The following GRID2 variants were observed in gnomAD, a reference collection of about 807,000 sequenced individuals.
The protein encoded by GRID2 is glutamate receptor ionotropic, delta-2.
In GRID2, 33 loss-of-function variants were observed where a neutral mutation model predicts 114.8. That is an observed-to-expected ratio of 0.29 (90% CI 0.22 to 0.38). The LOEUF (loss-of-function observed/expected upper bound fraction) is 0.38. GRID2 is among the 10% of genes least tolerant of loss of function. The pLI, the probability that GRID2 is intolerant of heterozygous loss-of-function variation, is 1.00. For synonymous variants in GRID2, 505 were observed against 449.9 expected (o/e 1.12, Z -1.55); for missense variants, 1,184 against 1,257.7 (o/e 0.94, Z 0.89).
intron 13 of GRID2, among the ~76,000 whole-genome samples, chr4:93,523,390 C>T (rs1223881776): frequency 6.6e-6 from 1 of 152,052 alleles, no homozygotes; most frequent in Non-Finnish European, 1.5e-5. Context: ...AGAGTATTAC[C>T]ATTATGACAA....
chr4:93,238,205 C>T (rs1406444590), intron 7 of GRID2, among the ~76,000 whole-genome samples, 166 bp from the exon 8 acceptor site: 3 of 151,820 alleles, frequency 2.0e-5, no homozygotes, highest in Admixed American at 6.6e-5. Flanking sequence ...TTCAACTGTA[C>T]TCCTGTTTAT....
chr4:93,501,251 GGTATGCTCTCTAA>G (rs1418278637), intron 12 of GRID2, among the ~76,000 whole-genome samples: 8 of 151,970 alleles, frequency 5.3e-5, no homozygotes, highest in African/African-American at 1.9e-4. Context: ...AACCCAAAAT[GGTATGCTCTCTAA>G]GTATCCTTTG....
At chr4:92,722,522 T>C (rs1251154776) in intron 2 of GRID2, among the ~76,000 whole-genome samples, 1 of 152,040 alleles carries the variant, frequency 6.6e-6, no homozygotes, top group East Asian at 1.9e-4. Flanking sequence ...GTACTGGAGG[T>C]AATTAAAGAA....
At chr4:93,109,671 A>C (rs58129862) in intron 3 of GRID2, among the ~76,000 whole-genome samples, 5,298 of 152,170 alleles carry the variant, frequency 0.035, 254 homozygotes, top group African/African-American at 0.1. Flanking sequence ...TTTCTCTAGT[A>C]TTTGCCCTTT....
chr4:92,650,938 A>G (rs1731897577), intron 2 of GRID2, among the ~76,000 whole-genome samples: 1 of 151,996 alleles, frequency 6.6e-6, no homozygotes, highest in African/African-American at 2.4e-5. Context: ...GAGTCTTAAA[A>G]AGGTCATTTC....
intron 2 of GRID2, among the ~76,000 whole-genome samples, chr4:92,685,671 A>G (rs1733863058): frequency 6.6e-6 from 1 of 152,032 alleles, no homozygotes; most frequent in Non-Finnish European, 1.5e-5. Context: ...ATAAATACAA[A>G]TATATGACCA....
At chr4:93,614,117 C>G (rs1485952608) in intron 13 of GRID2, among the ~76,000 whole-genome samples, 1 of 152,160 alleles carries the variant, frequency 6.6e-6, no homozygotes, top group Non-Finnish European at 1.5e-5. Context: ...GGAAAGGGAA[C>G]TCCCTGACCC....
At chr4:92,432,740 T>G (rs1180072485) in intron 1 of GRID2, among the ~76,000 whole-genome samples, 2 of 152,094 alleles carry the variant, frequency 1.3e-5, no homozygotes, top group African/African-American at 4.8e-5. Context: ...TCTACACAAC[T>G]GTGGCTGAGC....
rs34416042 is a variant in GRID2 at position 93,414,685 on chromosome 4, T to TTATATATATATA, written c.1348-8076_1348-8065dup. On this transcript the variant is annotated intron_variant, in intron 9 of 15. Transcript: ENST00000282020. Reference sequence around the variant, plus strand: ...GCACCTATCATCACCATCTGACATTTTATATATATATATATATATATTTCC... The same window carrying TTATATATATATA: ...GCACCTATCATCACCATCTGACATTTTATATATATATATATATATATATATATATATATTTCC... Among the ~76,000 whole-genome samples the TTATATATATATA allele has an allele frequency of 4.4e-3, 623 of 140,534 alleles. 5 individuals are homozygous for TTATATATATATA. The highest frequency in any genetic ancestry group is 0.013 in the African/African-American group (472 of 37,292). 92.2% of individuals were successfully genotyped at this position (140,534 alleles called of 152,430 possible). A position where few individuals can be genotyped will look rare whatever the true frequency, so the allele number is the denominator to read the frequency against.
At chr4:93,144,366 G>C (rs1294894892) in intron 4 of GRID2, among the ~76,000 whole-genome samples, 2 of 152,220 alleles carry the variant, frequency 1.3e-5, no homozygotes, top group Non-Finnish European at 2.9e-5. Flanking sequence ...AAAGAGGTTA[G>C]ACAAATTGCC....
chr4:92,441,385 G>T (rs983970008), intron 1 of GRID2, among the ~76,000 whole-genome samples: 14 of 152,152 alleles, frequency 9.2e-5, no homozygotes, highest in Non-Finnish European at 1.6e-4. Flanking sequence ...GTCAGGGTCA[G>T]TCCAAGTGAA....
chr4:93,431,767 A>C (rs2149380763), intron 10 of GRID2, among the ~76,000 whole-genome samples: 1 of 152,304 alleles, frequency 6.6e-6, no homozygotes, highest in South Asian at 2.1e-4. Context: ...AGACTTGAGT[A>C]AAATTATAAG....
intron 1 of GRID2, among the ~76,000 whole-genome samples, chr4:93,797,062 C>T (rs1734818730): frequency 6.6e-6 from 1 of 152,148 alleles, no homozygotes; most frequent in Non-Finnish European, 1.5e-5. Context: ...ACAAACCCTA[C>T]AGCATGTTAC....
Position 93,598,871 on chromosome 4 carries a change from G to A in GRID2, c.2194-27398G>A, listed in dbSNP as rs1435106568. Reference sequence around the variant, plus strand: ...GATTGAAGCAAGAATTGTATAAAATGTGCCTTCATATTGAGTATATACTGT... The same window carrying A: ...GATTGAAGCAAGAATTGTATAAAATATGCCTTCATATTGAGTATATACTGT... On this transcript the variant is annotated intron_variant, in intron 13 of 15. Transcript: ENST00000282020. Among the ~76,000 whole-genome samples the A allele has an allele frequency of 2.0e-5, 3 of 152,114 alleles. No homozygotes were observed. The East Asian group carries it at 5.8e-4, about 29-fold the overall frequency.
intron 1 of GRID2, among the ~76,000 whole-genome samples, chr4:92,547,902 A>G (rs1210143512): frequency 6.6e-6 from 1 of 152,212 alleles, no homozygotes; most frequent in African/African-American, 2.4e-5. Context: ...AACTTTAAGA[A>G]GTAGATTCCA....
chr4:93,233,587 T>C (rs190432936), intron 7 of GRID2, among the ~76,000 whole-genome samples: 137 of 152,028 alleles, frequency 9.0e-4, no homozygotes, highest in South Asian at 5.2e-3. Context: ...AGGTGATCCA[T>C]CTGTCTTGGC....
intron 1 of GRID2, among the ~76,000 whole-genome samples, chr4:92,483,077 C>T (rs1033400967): frequency 2.0e-5 from 3 of 152,098 alleles, no homozygotes; most frequent in Non-Finnish European, 4.4e-5. Flanking sequence ...CAGTGGCTCA[C>T]GCTTGTAATC....
intron 2 of GRID2, among the ~76,000 whole-genome samples, chr4:92,985,419 A>C (rs1754455312): frequency 6.6e-6 from 1 of 151,874 alleles, no homozygotes; most frequent in Non-Finnish European, 1.5e-5. Flanking sequence ...TGTATTTTTT[A>C]GTAGAGACGG....
intron 2 of GRID2, among the ~76,000 whole-genome samples, chr4:92,709,278 TTAAA>T (rs1209232860): frequency 1.3e-5 from 2 of 152,130 alleles, no homozygotes; most frequent in African/African-American, 2.4e-5. Flanking sequence ...ATAGTAATTA[TTAAA>T]TAAGTAGGTT....
Sources: gnomAD v4.1 joint callset for allele counts (sites outside exome capture counted in the v4.1 genomes callset) on GRCh38, gnomAD v4.1.1 for gene constraint, MANE v1.5 for transcripts, NCBI Gene and HGNC (gene_info 2026-07-23, HGNC 2026-07-21) for gene names.